The following ITPR1 variants were observed in gnomAD, a reference collection of about 807,000 sequenced individuals.
The protein encoded by ITPR1 is inositol 1,4,5-trisphosphate-gated calcium channel ITPR1.
In ITPR1, 96 loss-of-function variants were observed where a neutral mutation model predicts 318.4. The ratio of observed to expected loss-of-function variants is 0.30; its 90% confidence interval spans 0.26 to 0.36. The LOEUF is 0.36. Among genes scored for constraint, ITPR1 ranks in the 10% least tolerant of loss-of-function variants. The pLI is 1.00. For synonymous variants in ITPR1, 1,312 were observed against 1,289.9 expected (o/e 1.02, Z -0.37); for missense variants, 2,440 against 3,460.2 (o/e 0.71, Z 7.40).
rs1330520788 is a variant in ITPR1 at position 4,493,624 on chromosome 3, C to CA, written c.-93+20dup. The stretch of plus-strand genomic sequence containing the variant: ...CACCAAGGTAGCGGCTGGGGCCGGG[C>CA]AGAGGGCGCGGGGAGTTGGCACTGG... On this transcript the variant is annotated intron_variant, in intron 1 of 61. Transcript: ENST00000649015. 1 of 152,548 alleles carries CA rather than the reference C, an allele frequency of 6.6e-6. No homozygotes were observed. Among genetic ancestry groups the CA allele is most frequent in the African/African-American group, 2.4e-5 (1 of 41,430 alleles). 9.4% of individuals were successfully genotyped at this position (152,548 alleles called of 1,614,324 possible). A position where few individuals can be genotyped will look rare whatever the true frequency, so the allele number is the denominator to read the frequency against.
intron 42 of ITPR1, among the ~76,000 whole-genome samples, chr3:4,732,785 C>G (rs186383744): frequency 1.2e-3 from 187 of 152,208 alleles, no homozygotes; most frequent in African/African-American, 4.3e-3. Context: ...ATCAACTTAC[C>G]CCAAAGAGAT....
chr3:4,635,775 T>A (rs1227339322), intron 5 of ITPR1, among the ~76,000 whole-genome samples: 2 of 152,216 alleles, frequency 1.3e-5, no homozygotes, highest in African/African-American at 4.8e-5. Context: ...TGTTTGTACC[T>A]TGTTACCTTT....
At chr3:4,678,751 A>G (rs1375916519) in intron 24 of ITPR1, among the ~76,000 whole-genome samples, 1 of 152,156 alleles carries the variant, frequency 6.6e-6, no homozygotes, top group East Asian at 1.9e-4. Context: ...GGCTTTGTAC[A>G]TGGAGAAACA....
chr3:4,742,147 C>T (rs189943917), intron 44 of ITPR1, among the ~76,000 whole-genome samples: 148 of 152,284 alleles, frequency 9.7e-4, no homozygotes, highest in African/African-American at 3.4e-3. Flanking sequence ...GGAGGACCCC[C>T]TGGAAGGAGA....
At chr3:4,496,246 T>C (rs534338462) in intron 2 of ITPR1, among the ~76,000 whole-genome samples, 93 of 152,380 alleles carry the variant, frequency 6.1e-4, no homozygotes, top group African/African-American at 2.2e-3. Flanking sequence ...TACCTTTTCA[T>C]ATACCTTCCA....
chr3:4,710,563 G>A lies in ITPR1; in HGVS notation c.4991+90G>A. ...TTCCCGAAGAAGGAGACGTTGTCCT[G>A]TTTTTTAACTTTGATGAATGCAAGG... On this transcript the variant is annotated intron_variant, in intron 38 of 61. Coordinates refer to ENST00000649015, the MANE Select transcript of ITPR1 (RefSeq NM_001378452.1). The surrounding 1 kb of genome is among the most constrained non-coding windows in gnomAD (Gnocchi z 4.2). 4 of 1,340,424 alleles carry A rather than the reference G, an allele frequency of 3.0e-6. No individual in the cohort carries two copies. The highest frequency in any genetic ancestry group is 4.1e-6 in the Non-Finnish European group (4 of 985,676). 83.0% of individuals were successfully genotyped at this position (1,340,424 alleles called of 1,614,324 possible). A position where few individuals can be genotyped will look rare whatever the true frequency, so the allele number is the denominator to read the frequency against.
intron 40 of ITPR1, among the ~76,000 whole-genome samples, chr3:4,721,383 G>C (rs1023853245): frequency 6.6e-6 from 1 of 152,028 alleles, no homozygotes; most frequent in African/African-American, 2.4e-5. Context: ...AAAACAAATA[G>C]AGTTAGTAAA....
chr3:4,789,121 C>A (rs1413063203), intron 52 of ITPR1, among the ~76,000 whole-genome samples: 1 of 152,338 alleles, frequency 6.6e-6, no homozygotes, highest in Non-Finnish European at 1.5e-5. Context: ...CACCTCACTT[C>A]CAGCCCCGCT....
chr3:4,801,363 C>G (rs1384370066), intron 54 of ITPR1, among the ~76,000 whole-genome samples: 1 of 152,120 alleles, frequency 6.6e-6, no homozygotes, highest in Non-Finnish European at 1.5e-5. Context: ...ACAGCAAAAG[C>G]CCCAAAGGGA....
chr3:4,832,732 A>G (rs761220115), intron 60 of ITPR1, among the ~76,000 whole-genome samples: 15 of 152,390 alleles, frequency 9.8e-5, no homozygotes, highest in Non-Finnish European at 1.9e-4. Context: ...TGGATATTGT[A>G]CATTCTAAAA....
intron 4 of ITPR1, among the ~76,000 whole-genome samples, chr3:4,530,956 G>A (rs1394242552): frequency 1.3e-5 from 2 of 152,112 alleles, no homozygotes; most frequent in Non-Finnish European, 2.9e-5. Context: ...CAGTACATGA[G>A]CATGAAAAAC....
At chr3:4,777,166 G>A (rs1379356888) in intron 47 of ITPR1, 98 bp from the exon 48 acceptor site, 2 of 685,522 alleles carry the variant, frequency 2.9e-6, no homozygotes, top group South Asian at 3.7e-5. Context: ...TACTGGGAGT[G>A]GTAAGCATTG....
In ITPR1 at chr3:4,688,638, T is replaced by G; in HGVS notation, c.3828+18T>G. ...ACCCAGGGGTAAGACTTGAGGCCAA[T>G]CTGCAAATCTATAGAGGGAGGAGGG... On this transcript the variant is annotated intron_variant, in intron 31 of 61. Coordinates refer to ENST00000649015, the MANE Select transcript of ITPR1 (RefSeq NM_001378452.1). 1 of 1,609,066 alleles carries G rather than the reference T, an allele frequency of 6.2e-7. No homozygotes were observed. Among genetic ancestry groups the G allele is most frequent in the Non-Finnish European group, 8.5e-7 (1 of 1,175,864 alleles).
intron 3 of ITPR1, 65 bp downstream of exon 3, chr3:4,516,648 T>A (rs1163962405): frequency 1.0e-6 from 1 of 999,104 alleles, no homozygotes. Flanking sequence ...AGCTTAAAAC[T>A]GTGATTTTTC....
At chr3:4,722,348 C>T (rs530130694) in intron 40 of ITPR1, among the ~76,000 whole-genome samples, 77 of 152,278 alleles carry the variant, frequency 5.1e-4, no homozygotes, top group African/African-American at 1.8e-3. Context: ...GAGGTGCCAG[C>T]GCCTGAACGC....
chr3:4,748,160 C>G (rs1200595262), intron 44 of ITPR1, among the ~76,000 whole-genome samples: 1 of 152,228 alleles, frequency 6.6e-6, no homozygotes, highest in Non-Finnish European at 1.5e-5. Context: ...TACCCAAAGT[C>G]ACCCAGTTGG....
chr3:4,672,771 A>G (rs1415131484), intron 20 of ITPR1, among the ~76,000 whole-genome samples: 1 of 152,220 alleles, frequency 6.6e-6, no homozygotes, highest in Non-Finnish European at 1.5e-5. Flanking sequence ...ACTGTATAAA[A>G]CACAGCTGAA....
chr3:4,838,791 G>A (rs959308635), intron 61 of ITPR1, among the ~76,000 whole-genome samples: 1 of 152,208 alleles, frequency 6.6e-6, no homozygotes, highest in Non-Finnish European at 1.5e-5. Context: ...GTTGATCTGA[G>A]AAACTGGGTG....
intron 3 of ITPR1, 117 bp downstream of exon 3, chr3:4,516,700 G>A (rs1035844807): frequency 1.8e-5 from 13 of 706,610 alleles, no homozygotes; most frequent in Non-Finnish European, 3.0e-5. Flanking sequence ...TTCTAAGTGC[G>A]GTTGAAATCA....
Sources: gnomAD v4.1 joint callset for allele counts (sites outside exome capture counted in the v4.1 genomes callset) on GRCh38, gnomAD v4.1.1 for gene constraint, Gnocchi (gnomAD v3.1) non-coding constraint, MANE v1.5 for transcripts, NCBI Gene and HGNC (gene_info 2026-07-23, HGNC 2026-07-21) for gene names.